POLL: variants seen among roughly 807,000 people sequenced by gnomAD.
POLL encodes the protein DNA polymerase lambda.
POLL carries 44 observed loss-of-function variants against 58.1 expected under a neutral mutation model. The observed-to-expected ratio is 0.76, with a 90% CI of 0.60 to 0.97. The LOEUF (loss-of-function observed/expected upper bound fraction) is 0.97, where lower values mean the gene tolerates loss of function less well. Among genes scored for constraint, POLL ranks in the 50% least tolerant of loss-of-function variants. The pLI is 0.00. For synonymous variants in POLL, 290 were observed against 283.2 expected, an observed-to-expected ratio of 1.02 and a Z score of -0.24; for missense variants, 632 against 736.8, an observed-to-expected ratio of 0.86 and a Z score of 1.65.
chr10:101,587,463 G>T, intron 1 of POLL, 57 bp from the exon 2 acceptor site: 1 of 1,551,440 alleles, frequency 6.4e-7, no homozygotes. Context: ...TGGAGGTAGG[G>T]TCTTTCCTGA....
intron 5 of POLL, 152 bp downstream of exon 5, chr10:101,584,450 G>T: frequency 2.3e-6 from 1 of 435,818 alleles, no homozygotes; most frequent in South Asian, 1.1e-4. Flanking sequence ...CAACTATCAA[G>T]ATTTTGCCAA....
Position 101,579,636 on chromosome 10 carries a change from G to A in POLL, c.1545C>T (p.Ser515=). 1 of 1,614,006 alleles carries A rather than the reference G, an allele frequency of 6.2e-7. No individual in the cohort carries two copies. The highest frequency in any genetic ancestry group is 8.5e-7 in the Non-Finnish European group (1 of 1,180,024). The change falls in exon 9 of 9, where the codon TCC becomes TCT. Residue 515 remains serine (S), a synonymous_variant. Transcript: ENST00000370162. This position sits in a 1 kb window ranked among gnomAD's most constrained non-coding sequence, Gnocchi z 4.4. ...YFTGSAHFNR[S]MRALAKTKGM... The stretch of plus-strand genomic sequence containing the variant: ...CCTTGGTTTTGGCCAGGGCTCGCAT[G>A]GAGCGGTTGAAGTGTGCAGAGCCGG...
Position 101,580,353 on chromosome 10 carries a change from G to T in POLL, c.1258C>A (p.Arg420=). ...LLCVACGSYR[R]GKATCGDVDV... ...ACATCACCACAGGTCGCCTTTCCCC[G>T]TCGGTATGAACCACATGCCACACAC... Residue 420 remains arginine (R), a synonymous_variant, in exon 8 of 9, where the codon CGG becomes AGG. Transcript: ENST00000370162. The surrounding 1 kb of genome is among the most constrained non-coding windows in gnomAD (Gnocchi z 4.1). 1.2e-6 allele frequency: 2 copies of T among 1,614,014 alleles called. No individual in the cohort carries two copies. Among genetic ancestry groups the T allele is most frequent in the Non-Finnish European group, 1.7e-6 (2 of 1,179,956 alleles).
intron 2 of POLL, among the ~76,000 whole-genome samples, chr10:101,586,736 C>A (rs1368098002): frequency 6.6e-6 from 1 of 152,208 alleles, no homozygotes; most frequent in Non-Finnish European, 1.5e-5. Context: ...CACAGGTGAT[C>A]TGCCTGCCTC....
intron 6 of POLL, 179 bp downstream of exon 6, chr10:101,583,329 G>T: frequency 1.6e-6 from 1 of 629,618 alleles, no homozygotes; most frequent in Non-Finnish European, 2.8e-6. Context: ...CAACAAGGCT[G>T]TTCTGGGAGC....
Position 101,579,600 on chromosome 10 carries a change from C to G in POLL, c.1581G>C (p.Leu527=). The G allele has an allele frequency of 6.2e-7, 1 of 1,614,048 alleles. No individual in the cohort carries two copies. The highest frequency in any genetic ancestry group is 8.5e-7 in the Non-Finnish European group (1 of 1,180,034). Reference sequence around the variant, plus strand: ...CAGCAGTGCTGAGGGCATGTTCTGACAGACTCATGCCCTTGGTTTTGGCCA... The same window carrying G: ...CAGCAGTGCTGAGGGCATGTTCTGAGAGACTCATGCCCTTGGTTTTGGCCA... ...RALAKTKGMS[L]SEHALSTAVV... The change falls in exon 9 of 9, where the codon CTG becomes CTC. Residue 527 remains leucine (L), a synonymous_variant. Coordinates refer to ENST00000370162, the MANE Select transcript of POLL (RefSeq NM_001174084.2). This position sits in a 1 kb window ranked among gnomAD's most constrained non-coding sequence, Gnocchi z 4.4.
chr10:101,587,690 C>G (rs1340335835), intron 1 of POLL, 132 bp downstream of exon 1: 1 of 1,036,108 alleles, frequency 9.7e-7, no homozygotes, highest in African/African-American at 1.7e-5. Context: ...GCTAAAGATT[C>G]AGCACAGCCC....
rs2062847121 is a variant in POLL, at chr10:101,579,364, G to A, written c.*89C>T. The stretch of plus-strand genomic sequence containing the variant: ...GGAAGCTGGTGGTTGGAGCGGCGAG[G>A]TTCAGCCAGCTGAGGCTGGAGGGAG... On this transcript the variant is annotated 3_prime_UTR_variant, in exon 9 of 9. Transcript: ENST00000370162. The surrounding 1 kb of genome is among the most constrained non-coding windows in gnomAD (Gnocchi z 4.4). 9 of 1,464,660 alleles carry A rather than the reference G, an allele frequency of 6.1e-6. No homozygotes were observed. Among genetic ancestry groups the A allele is most frequent in the Non-Finnish European group, 8.2e-6 (9 of 1,096,580 alleles). 90.7% of individuals were successfully genotyped at this position (1,464,660 alleles called of 1,614,324 possible). A position where few individuals can be genotyped will look rare whatever the true frequency, so the allele number is the denominator to read the frequency against.
chr10:101,586,032 G>C lies in POLL; in HGVS notation c.240C>G (p.Val80=), dbSNP rs1470864398. 7 of 1,614,006 alleles carry C rather than the reference G, an allele frequency of 4.3e-6. No homozygotes were observed. The highest frequency in any genetic ancestry group is 5.9e-6 in the Non-Finnish European group (7 of 1,180,026). Residue 80 remains valine, a synonymous_variant, in exon 3 of 9, where the codon GTC becomes GTG. Coordinates refer to ENST00000370162, the MANE Select transcript of POLL (RefSeq NM_001174084.2). ...TGCCTTCATCCACCACAATGTGAGT[G>C]ACACCTGGGCCCTGGGCAGGGCATA... ...GQLCPAQGPG[V]THIVVDEGMD... is the part of the protein sequence containing the mutation.
At position 101,588,066 on chromosome 10, in the gene POLL, C is replaced by T; in HGVS notation, c.-291G>A. ...CGCAGCTGGCGCAGGCCAGGGAATCCCAGCTCGGGGCTAGAAGAAAGCTGG... is the reference window on the plus strand; with the variant it reads ...CGCAGCTGGCGCAGGCCAGGGAATCTCAGCTCGGGGCTAGAAGAAAGCTGG... On this transcript the variant is annotated 5_prime_UTR_variant, in exon 1 of 9. Coordinates refer to ENST00000370162, the MANE Select transcript of POLL (RefSeq NM_001174084.2). The T allele has an allele frequency of 6.9e-7, 1 of 1,458,490 alleles. No individual in the cohort carries two copies. Among genetic ancestry groups the T allele is most frequent in the South Asian group, 1.2e-5 (1 of 82,396 alleles). The allele number at this position is 1,458,490 out of a possible 1,614,324, so 90.3% of individuals were successfully genotyped here.
chr10:101,587,304 A>C lies in POLL; in HGVS notation c.57T>G (p.Asp19Glu), dbSNP rs768969363. ...AFPKRQKIHA[D>E]ASSKVLAKIP... ...TCTTTGCAAGTACTTTTGATGATGC[A>C]TCAGCATGAATTTTCTGCCGCTTGG... The change falls in exon 2 of 9, where the codon GAT (aspartate) becomes GAG (glutamate). Residue 19 changes from aspartate to glutamate, a missense_variant. Coordinates refer to ENST00000370162, the MANE Select transcript of POLL (RefSeq NM_001174084.2). 1 of 1,614,170 alleles carries C rather than the reference A, an allele frequency of 6.2e-7. No homozygotes were observed. Among genetic ancestry groups the C allele is most frequent in the South Asian group, 1.1e-5 (1 of 91,070 alleles).
intron 3 of POLL, 83 bp from the exon 4 acceptor site, chr10:101,585,561 T>C: frequency 7.9e-7 from 1 of 1,272,992 alleles, no homozygotes; most frequent in Non-Finnish European, 1.1e-6. Flanking sequence ...CTGAAATACT[T>C]GGTTTCCCAG....
chr10:101,587,836 C>T lies in POLL; in HGVS notation c.-61G>A, dbSNP rs988345013. ...TATTTCTCTACCTCCAACACAGACTCGCAGAGGAAGGAGGAGGACTTTCGG... is the reference window on the plus strand; with the variant it reads ...TATTTCTCTACCTCCAACACAGACTTGCAGAGGAAGGAGGAGGACTTTCGG... On this transcript the variant is annotated 5_prime_UTR_variant, in exon 1 of 9. Coordinates refer to ENST00000370162, the MANE Select transcript of POLL (RefSeq NM_001174084.2). 4 of 1,190,188 alleles carry T rather than the reference C, an allele frequency of 3.4e-6. No homozygotes were observed. In the African/African-American group the frequency reaches 6.4e-5, roughly 19 times the overall value. 73.7% of individuals were successfully genotyped at this position (1,190,188 alleles called of 1,614,324 possible). A position where few individuals can be genotyped will look rare whatever the true frequency, so the allele number is the denominator to read the frequency against.
At chr10:101,586,456 CCTT>C (rs1342454669) in intron 2 of POLL, among the ~76,000 whole-genome samples, 4 of 152,106 alleles carry the variant, frequency 2.6e-5, no homozygotes, top group South Asian at 4.2e-4. Context: ...ATGCCTCCTC[CCTT>C]CTTACTTTGT....
rs1036374779 is a variant in POLL at position 101,585,257 on chromosome 10, C to G, written c.573+59G>C. ...TTTCTGAACAGCCACCAGGCCCACC[C>G]CATTTCTGTGATCTGCTTCCTAGGG... On this transcript the variant is annotated intron_variant, in intron 4 of 8. Coordinates refer to ENST00000370162, the MANE Select transcript of POLL (RefSeq NM_001174084.2). The G allele has an allele frequency of 2.8e-6, 4 of 1,434,088 alleles. No individual in the cohort carries two copies. In the Admixed American group the frequency reaches 7.2e-5, roughly 26 times the overall value. 88.8% of individuals were successfully genotyped at this position (1,434,088 alleles called of 1,614,324 possible).
rs776146675 is a variant in POLL, at chr10:101,579,406, G to A, written c.*47C>T. On this transcript the variant is annotated 3_prime_UTR_variant, in exon 9 of 9. Coordinates refer to ENST00000370162, the MANE Select transcript of POLL (RefSeq NM_001174084.2). This position sits in a 1 kb window ranked among gnomAD's most constrained non-coding sequence, Gnocchi z 4.4. ...TGGAGGGAGTACTGGGTGGCCAGGA[G>A]GGGTAGCCAGTCCAACTCGGCTCTC... 70 of 1,549,144 alleles carry A rather than the reference G, an allele frequency of 4.5e-5. No homozygotes were observed. Among genetic ancestry groups the A allele is most frequent in the Non-Finnish European group, 5.7e-5 (66 of 1,152,852 alleles).
chr10:101,583,690 G>A lies in POLL; in HGVS notation c.892-9C>T, dbSNP rs1218956312. 1.2e-6 allele frequency: 2 copies of A among 1,612,908 alleles called. No individual in the cohort carries two copies. The highest frequency in any genetic ancestry group is 4.5e-5 in the East Asian group (2 of 44,872). On this transcript the variant is annotated splice_polypyrimidine_tract_variant and intron_variant, in intron 5 of 8. Transcript: ENST00000370162. ...GGGATACTGCAGGCCTCCTAGAGGA[G>A]GAGGAGGCAGAGGCAAGAAAGAAGA...
Position 101,579,440 on chromosome 10 carries a change from C to T in POLL, c.*13G>A. On this transcript the variant is annotated 3_prime_UTR_variant, in exon 9 of 9. Transcript: ENST00000370162. This position sits in a 1 kb window ranked among gnomAD's most constrained non-coding sequence, Gnocchi z 4.4. Reference sequence around the variant, plus strand: ...AGTCCAACTCGGCTCTCCTCAGCACCCCCAGCCATGGGTCACCAGTCCCGC... The same window carrying T: ...AGTCCAACTCGGCTCTCCTCAGCACTCCCAGCCATGGGTCACCAGTCCCGC... 6.3e-7 allele frequency: 1 copy of T among 1,592,526 alleles called. No individual in the cohort carries two copies. The highest frequency in any genetic ancestry group is 8.5e-7 in the Non-Finnish European group (1 of 1,170,876).
intron 6 of POLL, 64 bp from the exon 7 acceptor site, chr10:101,582,955 GCA>G (rs764422307): frequency 2.5e-6 from 4 of 1,600,704 alleles, no homozygotes; most frequent in Non-Finnish European, 3.4e-6. Flanking sequence ...GCATGAGTGA[GCA>G]CACACACAAG....
Sources: allele counts gnomAD v4.1 joint callset (sites outside exome capture counted in the v4.1 genomes callset), GRCh38; gene constraint gnomAD v4.1.1; non-coding constraint Gnocchi (gnomAD v3.1); transcripts MANE v1.5; gene names NCBI Gene and HGNC (gene_info 2026-07-23, HGNC 2026-07-21).